Variants in ZNF462 observed in about 807,000 individuals in gnomAD.
ZNF462 encodes the protein zinc finger protein 462.
ZNF462 carries 10 observed loss-of-function variants against 201.9 expected under a neutral mutation model. The ratio of observed to expected loss-of-function variants is 0.05; its 90% confidence interval spans 0.03 to 0.08. The LOEUF (loss-of-function observed/expected upper bound fraction) is 0.08, where lower values mean the gene tolerates loss of function less well. ZNF462 is among the 10% of genes least tolerant of loss of function. The probability of loss-of-function intolerance (pLI) is 1.00; values close to 1 mark genes in which losing one functional copy is unlikely to be tolerated. For missense variants in ZNF462, 2,523 were observed against 3,168.3 expected (o/e 0.80, Z 4.89); for synonymous variants, 1,227 against 1,193.3 (o/e 1.03, Z -0.58).
intron 1 of ZNF462, among the ~76,000 whole-genome samples, chr9:106,907,502 A>G (rs1829320812): frequency 6.6e-6 from 1 of 152,090 alleles, no homozygotes; most frequent in South Asian, 2.1e-4. Context: ...ATATATTGCC[A>G]TGAGTTTTAC....
At position 106,968,204 on chromosome 9, in the gene ZNF462, A is replaced by G. The variant is rs910886261; in HGVS notation, c.6428-3801A>G. On this transcript the variant is annotated intron_variant, in intron 7 of 12. Transcript: ENST00000277225. This position sits in a 1 kb window ranked among gnomAD's most constrained non-coding sequence, Gnocchi z 4.0. The stretch of plus-strand genomic sequence containing the variant: ...ATCCTACCTCTGCTTCTTCGTGTCT[A>G]TGTGACCCGTCATCCTCAGCTTCAG... 8.5e-5 allele frequency among the ~76,000 whole-genome samples: 13 copies of G among 152,180 alleles called. No individual in the cohort carries two copies. The highest frequency in any genetic ancestry group is 2.1e-4 in the South Asian group (1 of 4,830).
At position 107,011,203 on chromosome 9, in the gene ZNF462, T is replaced by G; in HGVS notation, c.*173T>G. The G allele has an allele frequency of 1.7e-6, 1 of 596,704 alleles. No homozygotes were observed. Among genetic ancestry groups the G allele is most frequent in the East Asian group, 2.8e-5 (1 of 35,500 alleles). 37.0% of individuals were successfully genotyped at this position (596,704 alleles called of 1,614,324 possible). The stretch of plus-strand genomic sequence containing the variant: ...TACCTGTGTGAGTGAGTATGTAAAT[T>G]AAAGTTATTTAAATGGTTGGAATAT... On this transcript the variant is annotated 3_prime_UTR_variant, in exon 13 of 13. Coordinates refer to ENST00000277225, the MANE Select transcript of ZNF462 (RefSeq NM_021224.6). The surrounding 1 kb of genome is among the most constrained non-coding windows in gnomAD (Gnocchi z 5.6).
chr9:106,960,444 G>A (rs1039231235), intron 7 of ZNF462, among the ~76,000 whole-genome samples: 1 of 152,018 alleles, frequency 6.6e-6, no homozygotes, highest in Non-Finnish European at 1.5e-5. Context: ...CTACGGTTGA[G>A]GCCAAGTCAT....
chr9:106,928,523 A>G lies in ZNF462; in HGVS notation c.4611A>G (p.Arg1537=), dbSNP rs376338432. 4.3e-6 allele frequency: 7 copies of G among 1,613,574 alleles called. No homozygotes were observed. In the African/African-American group the frequency reaches 8.0e-5, roughly 19 times the overall value. Residue 1537 remains arginine (R), a synonymous_variant, in exon 3 of 13, where the codon CGA becomes CGG. Coordinates refer to ENST00000277225, the MANE Select transcript of ZNF462 (RefSeq NM_021224.6). This position sits in a 1 kb window ranked among gnomAD's most constrained non-coding sequence, Gnocchi z 9.3. ...IHGVLTHYQK[R]HPSIKVTAED... ...GCGTACTGACCCACTACCAGAAGCG[A>G]CACCCGTCCATCAAGGTGACCGCTG...
At chr9:106,862,746 C>G (rs563707757), upstream of ZNF462, among the ~76,000 whole-genome samples, 46 of 152,304 alleles carry the variant, frequency 3.0e-4, no homozygotes, top group African/African-American at 1.0e-3. The surrounding 1 kb of genome is among the most constrained non-coding windows in gnomAD (Gnocchi z 4.2). Context: ...GCAGCAGCAG[C>G]CTCAGCATCT....
Position 106,948,822 on chromosome 9 carries a change from T to C in ZNF462, c.6427+9715T>C, listed in dbSNP as rs149752636. Among the ~76,000 whole-genome samples the C allele has an allele frequency of 2.6e-3, 390 of 152,016 alleles. 5 individuals are homozygous for C. The highest frequency in any genetic ancestry group is 8.9e-3 in the African/African-American group (369 of 41,524). On this transcript the variant is annotated intron_variant, in intron 7 of 12. Coordinates refer to ENST00000277225, the MANE Select transcript of ZNF462 (RefSeq NM_021224.6). ...TAATTCCTTTTCAAATAATAAATAT[T>C]GAGTACTTAAAGGTTTCAAATATAT...
Position 106,927,096 on chromosome 9 carries a change from A to G in ZNF462, c.3184A>G (p.Arg1062Gly). The G allele has an allele frequency of 6.2e-7, 1 of 1,614,128 alleles. No homozygotes were observed. Among genetic ancestry groups the G allele is most frequent in the Non-Finnish European group, 8.5e-7 (1 of 1,180,020 alleles). The change falls in exon 3 of 13, where the codon AGG (arginine) becomes GGG (glycine). Residue 1062 changes from arginine (R) to glycine (G), a missense_variant. Around this residue, in one of 15 missense-constraint regions of ZNF462, gnomAD observed 280 missense variants for 321.3 expected, o/e 0.87. Coordinates refer to ENST00000277225, the MANE Select transcript of ZNF462 (RefSeq NM_021224.6). ...CCCCGAAGAAAAGGCTTCCTACTTT[A>G]GGATCCAGAAAACTATGCGAATGGT... ...KHPEEKASYFRIQKTMRMVSV... is the reference protein window; with the variant it reads ...KHPEEKASYFGIQKTMRMVSV...
chr9:106,929,622 A>C lies in ZNF462; in HGVS notation c.5710A>C (p.Thr1904Pro). 1 of 1,614,232 alleles carries C rather than the reference A, an allele frequency of 6.2e-7. No homozygotes were observed. The highest frequency in any genetic ancestry group is 8.5e-7 in the Non-Finnish European group (1 of 1,180,054). The change falls in exon 3 of 13, where the codon ACA (threonine) becomes CCA (proline). Residue 1904 changes from threonine (T) to proline (P), a missense_variant. By Grantham distance (38) the Thr-to-Pro change is conservative. Transcript: ENST00000277225. The surrounding 1 kb of genome is among the most constrained non-coding windows in gnomAD (Gnocchi z 8.7). ...CKHCDSKLQS[T>P]AELTSHLNIH... ...GCACTGTGATAGCAAACTGCAAAGC[A>C]CAGCCGAGCTGACCTCACACTTGAA...
upstream of ZNF462, among the ~76,000 whole-genome samples, chr9:106,862,156 AGT>A (rs1416312088): frequency 3.3e-5 from 5 of 152,272 alleles, no homozygotes; most frequent in East Asian, 9.7e-4. This position sits in a 1 kb window ranked among gnomAD's most constrained non-coding sequence, Gnocchi z 4.2. Context: ...AATACGTGCC[AGT>A]AATGGACAAT....
At chr9:106,896,488 G>T (rs1312873284) in intron 1 of ZNF462, among the ~76,000 whole-genome samples, 1 of 152,146 alleles carries the variant, frequency 6.6e-6, no homozygotes, top group East Asian at 1.9e-4. Context: ...AATCTCGGTT[G>T]CAGGATGAGG....
intron 1 of ZNF462, among the ~76,000 whole-genome samples, chr9:106,888,800 T>C (rs542692559): frequency 6.6e-6 from 1 of 152,362 alleles, no homozygotes; most frequent in South Asian, 2.1e-4. Flanking sequence ...TTGGAGCTTT[T>C]ATCCTCTGCT....
intron 10 of ZNF462, among the ~76,000 whole-genome samples, chr9:106,999,611 A>T (rs964362362): frequency 1.3e-5 from 2 of 152,204 alleles, no homozygotes; most frequent in African/African-American, 4.8e-5. Context: ...GCCAGGCATG[A>T]AGAAGTTGGA....
chr9:106,903,378 C>A (rs925821395), intron 1 of ZNF462, among the ~76,000 whole-genome samples: 5 of 152,072 alleles, frequency 3.3e-5, no homozygotes, highest in Non-Finnish European at 7.4e-5. Flanking sequence ...ATTCCATGTG[C>A]TGGTGAATGG....
chr9:107,001,021 G>T (rs1829147899), intron 10 of ZNF462, among the ~76,000 whole-genome samples: 4 of 152,094 alleles, frequency 2.6e-5, no homozygotes, highest in African/African-American at 9.7e-5. Context: ...GGTCTCCTTG[G>T]TTTCATTGTT....
At chr9:106,992,640 A>G (rs935843655) in intron 10 of ZNF462, among the ~76,000 whole-genome samples, 1 of 152,106 alleles carries the variant, frequency 6.6e-6, no homozygotes, top group Admixed American at 6.6e-5. Flanking sequence ...TACGTATTTT[A>G]TGATTCTGTT....
chr9:106,933,883 G>T lies in ZNF462; in HGVS notation c.6116+1334G>T, dbSNP rs1184020859. Among the ~76,000 whole-genome samples, 1 of 152,126 alleles carries T rather than the reference G, an allele frequency of 6.6e-6. No homozygotes were observed. The highest frequency in any genetic ancestry group is 1.5e-5 in the Non-Finnish European group (1 of 68,030). ...GGAGGAGACCATGAAGCTGACTGGG[G>T]CCCTAGCTGGGGGTTCAGTTTGACT... On this transcript the variant is annotated intron_variant, in intron 5 of 12. Coordinates refer to ENST00000277225, the MANE Select transcript of ZNF462 (RefSeq NM_021224.6). This position sits in a 1 kb window ranked among gnomAD's most constrained non-coding sequence, Gnocchi z 4.3.
In ZNF462 at chr9:106,928,207, G is replaced by A. The variant is rs774804666; in HGVS notation, c.4295G>A (p.Ser1432Asn). 3.7e-6 allele frequency: 6 copies of A among 1,613,916 alleles called. No individual in the cohort carries two copies. The highest frequency in any genetic ancestry group is 5.1e-6 in the Non-Finnish European group (6 of 1,180,038). The change falls in exon 3 of 13, where the codon AGT (serine) becomes AAT (asparagine). Residue 1432 changes from serine to asparagine, a missense_variant. By Grantham distance (46) the Ser-to-Asn change is conservative (BLOSUM62 1). Transcript: ENST00000277225. This position sits in a 1 kb window ranked among gnomAD's most constrained non-coding sequence, Gnocchi z 9.3. ...GCAGGCCCTGTGAATTGTGAAAACAGTATACCCACCCCTTTCCCGGAGCAG... is the reference window on the plus strand; with the variant it reads ...GCAGGCCCTGTGAATTGTGAAAACAATATACCCACCCCTTTCCCGGAGCAG... The part of the protein sequence containing the change: ...ELAGPVNCEN[S>N]IPTPFPEQEA...
chr9:106,956,315 A>G (rs538566364), intron 7 of ZNF462, among the ~76,000 whole-genome samples: 32 of 152,290 alleles, frequency 2.1e-4, no homozygotes, highest in African/African-American at 7.7e-4. Flanking sequence ...TTCATTGCCA[A>G]TGAGTAGTAA....
At chr9:106,881,909 G>GT (rs1459062540) in intron 1 of ZNF462, among the ~76,000 whole-genome samples, 1 of 152,000 alleles carries the variant, frequency 6.6e-6, no homozygotes, top group Non-Finnish European at 1.5e-5. Flanking sequence ...TGAAGTTCTG[G>GT]TTTTTTGTTT....
Sources: gnomAD v4.1 joint callset for allele counts (sites outside exome capture counted in the v4.1 genomes callset) on GRCh38, gnomAD v4.1.1 for gene constraint, gnomAD v4.1.1 regional missense constraint, Gnocchi (gnomAD v3.1) non-coding constraint, MANE v1.5 for transcripts, NCBI Gene and HGNC (gene_info 2026-07-23, HGNC 2026-07-21) for gene names.